Variants in BAZ1A observed in about 807,000 individuals in gnomAD.
The protein encoded by BAZ1A is bromodomain adjacent to zinc finger domain 1A, also known as bromodomain adjacent to zinc finger domain protein 1A.
Under a neutral mutation model 185.2 loss-of-function variants are expected in BAZ1A, and 50 were observed. That is an observed-to-expected ratio of 0.27 (90% CI 0.22 to 0.34). The LOEUF (loss-of-function observed/expected upper bound fraction) is 0.34. Among genes scored for constraint, BAZ1A ranks in the 10% least tolerant of loss-of-function variants. BAZ1A has a pLI of 1.00. For synonymous variants in BAZ1A, 571 were observed against 615.6 expected (o/e 0.93, Z 1.07); for missense variants, 1,356 against 1,839.9 (o/e 0.74, Z 4.81).
Position 34,775,929 on chromosome 14 carries a change from A to T in BAZ1A, c.2823T>A (p.Phe941Leu). ...AQLARFSEEK[F>L]HFSDKPQPDS... Reference sequence around the variant, plus strand: ...TCATTGAAAATTTACCTGAAAAATGAAATTTCTCTTCAGAAAAACGGGCTA... The same window carrying T: ...TCATTGAAAATTTACCTGAAAAATGTAATTTCTCTTCAGAAAAACGGGCTA... Residue 941 changes from phenylalanine to leucine, a missense_variant, in exon 18 of 27, where the codon TTT (phenylalanine) becomes TTA (leucine). By Grantham distance (22) the Phe-to-Leu change is conservative (BLOSUM62 0). Transcript: ENST00000360310. 6.4e-7 allele frequency: 1 copy of T among 1,562,500 alleles called. No individual in the cohort carries two copies.
intron 4 of BAZ1A, among the ~76,000 whole-genome samples, chr14:34,811,569 T>TC (rs1336775526): frequency 1.3e-5 from 2 of 152,024 alleles, no homozygotes; most frequent in Non-Finnish European, 2.9e-5. Flanking sequence ...CCAGAGATCC[T>TC]CCTACCTTGG....
At chr14:34,764,100 G>C (rs1325498704) in intron 23 of BAZ1A, among the ~76,000 whole-genome samples, 1 of 152,070 alleles carries the variant, frequency 6.6e-6, no homozygotes, top group Admixed American at 6.6e-5. Context: ...AGAATACTTA[G>C]TTATATGGTA....
At position 34,790,175 on chromosome 14, in the gene BAZ1A, T is replaced by G. The variant is rs1880749113; in HGVS notation, c.1510+2600A>C. On this transcript the variant is annotated intron_variant, in intron 12 of 26. Coordinates refer to ENST00000360310, the MANE Select transcript of BAZ1A (RefSeq NM_013448.3). ...CATTTAAATAAATATTTTCTTTTTT[T>G]TTTTTTTCCCTTTGAAACAGGGTCT... 2.6e-5 allele frequency among the ~76,000 whole-genome samples: 4 copies of G among 151,916 alleles called. No individual in the cohort carries two copies. The South Asian group carries it at 8.3e-4, about 32-fold the overall frequency.
chr14:34,824,089 G>A (rs1434631215), intron 4 of BAZ1A, among the ~76,000 whole-genome samples: 3 of 151,624 alleles, frequency 2.0e-5, no homozygotes, highest in Admixed American at 2.0e-4. Flanking sequence ...GTAGCAAGTT[G>A]GCCGGGCACA....
At chr14:34,869,050 C>T (rs1437560159) in intron 2 of BAZ1A, among the ~76,000 whole-genome samples, 4 of 150,460 alleles carry the variant, frequency 2.7e-5, no homozygotes, top group African/African-American at 4.9e-5. Flanking sequence ...ACTAAAAATA[C>T]AAAAAAATTA....
At chr14:34,799,109 T>A (rs1037227355) in intron 9 of BAZ1A, among the ~76,000 whole-genome samples, 1 of 151,450 alleles carries the variant, frequency 6.6e-6, no homozygotes, top group African/African-American at 2.4e-5. Flanking sequence ...CTGGAAACCA[T>A]CATTCTCAGC....
rs541804521 is a variant in BAZ1A, at chr14:34,841,061, G to C, written c.393-14905C>G. Among the ~76,000 whole-genome samples, 3 of 151,944 alleles carry C rather than the reference G, an allele frequency of 2.0e-5. No individual in the cohort carries two copies. The South Asian group carries it at 6.3e-4, about 32-fold the overall frequency. On this transcript the variant is annotated intron_variant, in intron 3 of 26. Transcript: ENST00000360310. ...CCTCCCGAGTTCAAGCAATTCTCCTGCCTCAGCCTCCCAAGTAGGTGGGAT... is the reference window on the plus strand; with the variant it reads ...CCTCCCGAGTTCAAGCAATTCTCCTCCCTCAGCCTCCCAAGTAGGTGGGAT...
chr14:34,793,069 G>T, intron 11 of BAZ1A, 148 bp from the exon 12 acceptor site: 1 of 709,174 alleles, frequency 1.4e-6, no homozygotes, highest in Non-Finnish European at 2.2e-6. Context: ...TATTATCCAA[G>T]CCAAAATAAG....
At position 34,792,811 on chromosome 14, in the gene BAZ1A, C is replaced by A; in HGVS notation, c.1474G>T (p.Val492Leu). 6.2e-7 allele frequency: 1 copy of A among 1,613,966 alleles called. No homozygotes were observed. The highest frequency in any genetic ancestry group is 8.5e-7 in the Non-Finnish European group (1 of 1,179,980). The change falls in exon 12 of 27, where the codon GTA becomes TTA. Residue 492 changes from valine (V) to leucine (L), a missense_variant. Physicochemically the swap from Val to Leu is conservative, Grantham distance 32 (BLOSUM62 1). Around this residue, in one of 7 missense-constraint regions of BAZ1A, gnomAD observed 184 missense variants for 355.1 expected, o/e 0.52. Coordinates refer to ENST00000360310, the MANE Select transcript of BAZ1A (RefSeq NM_013448.3). ...FQAIAEEEEEVAKEQLTDADT... is the reference protein window; with the variant it reads ...FQAIAEEEEELAKEQLTDADT... ...GCATCAGTTAGTTGCTCTTTGGCTACTTCCTCTTCTTCTTCAGCTATTGCC... is the reference window on the plus strand; with the variant it reads ...GCATCAGTTAGTTGCTCTTTGGCTAATTCCTCTTCTTCTTCAGCTATTGCC...
At chr14:34,857,225 C>T (rs1408409380) in intron 3 of BAZ1A, among the ~76,000 whole-genome samples, 2 of 152,054 alleles carry the variant, frequency 1.3e-5, no homozygotes, top group Non-Finnish European at 1.5e-5. Context: ...CCAGGATGGT[C>T]TCGATCTCCT....
chr14:34,805,107 G>A (rs760186983), intron 6 of BAZ1A, among the ~76,000 whole-genome samples: 1 of 152,182 alleles, frequency 6.6e-6, no homozygotes, highest in Non-Finnish European at 1.5e-5. Context: ...CCAGCCATGT[G>A]AAGATGTGCT....
chr14:34,778,356 T>C (rs1248884510), intron 17 of BAZ1A, among the ~76,000 whole-genome samples: 1 of 152,256 alleles, frequency 6.6e-6, no homozygotes, highest in Non-Finnish European at 1.5e-5. Context: ...TGCCTTGACT[T>C]TGACAGTATG....
At chr14:34,866,195 AGTT>A (rs1296070648) in intron 2 of BAZ1A, among the ~76,000 whole-genome samples, 2 of 151,940 alleles carry the variant, frequency 1.3e-5, no homozygotes, top group African/African-American at 4.8e-5. Flanking sequence ...TTCTTAAAAA[AGTT>A]CTAGTTCAGG....
intron 2 of BAZ1A, among the ~76,000 whole-genome samples, chr14:34,863,929 C>T (rs1471001732): frequency 6.6e-6 from 1 of 151,774 alleles, no homozygotes; most frequent in Non-Finnish European, 1.5e-5. Flanking sequence ...ATCAAGCATT[C>T]TGTCTTGCCT....
intron 4 of BAZ1A, among the ~76,000 whole-genome samples, chr14:34,824,985 T>C (rs377444952): frequency 1.3e-5 from 2 of 152,206 alleles, no homozygotes; most frequent in East Asian, 3.9e-4. Flanking sequence ...TTTTAATTGG[T>C]TGCAGACTCA....
At chr14:34,819,258 C>T (rs960252823) in intron 4 of BAZ1A, among the ~76,000 whole-genome samples, 2 of 151,728 alleles carry the variant, frequency 1.3e-5, no homozygotes, top group Non-Finnish European at 2.9e-5. Flanking sequence ...TTTCAGGAAT[C>T]CACTGAAGGT....
chr14:34,794,398 T>A (rs1289152772), intron 11 of BAZ1A, among the ~76,000 whole-genome samples: 1 of 152,182 alleles, frequency 6.6e-6, no homozygotes, highest in Admixed American at 6.5e-5. Context: ...TCCACAATCC[T>A]GTTGAATCCC....
At position 34,771,578 on chromosome 14, in the gene BAZ1A, A is replaced by G. The variant is rs763360262; in HGVS notation, c.3234T>C (p.His1078=). ...TTTGAAAGAGTGCCATTGCCAGATA[A>G]TGAACCACACTGCTCACTGATTGTG... ...STPQSVSSVV[H]YLAMALFQIE... Residue 1078 remains histidine (H), a synonymous_variant, in exon 21 of 27, where the codon CAT becomes CAC. Transcript: ENST00000360310. 1.9e-6 allele frequency: 3 copies of G among 1,614,038 alleles called. No individual in the cohort carries two copies. In the African/African-American group the frequency reaches 4.0e-5, roughly 22 times the overall value.
intron 3 of BAZ1A, among the ~76,000 whole-genome samples, chr14:34,849,582 G>A (rs2138784956): frequency 6.6e-6 from 1 of 152,180 alleles, no homozygotes. Context: ...CTGATGAGTG[G>A]AGCAAATCAC....
Sources: gnomAD v4.1 joint callset for allele counts (sites outside exome capture counted in the v4.1 genomes callset) on GRCh38, gnomAD v4.1.1 for gene constraint, gnomAD v4.1.1 regional missense constraint, MANE v1.5 for transcripts, NCBI Gene and HGNC (gene_info 2026-07-23, HGNC 2026-07-21) for gene names.